KCNJ3: variants seen among roughly 807,000 people sequenced by gnomAD.
KCNJ3 encodes the protein G protein-activated inward rectifier potassium channel 1.
Under a neutral mutation model 39.2 loss-of-function variants are expected in KCNJ3, and 4 were observed. The ratio of observed to expected loss-of-function variants is 0.10; its 90% CI spans 0.05 to 0.23. The LOEUF (loss-of-function observed/expected upper bound fraction) is 0.23, where lower values mean the gene tolerates loss of function less well. Ranked by LOEUF, KCNJ3 falls within the 10% of genes least tolerant of loss-of-function variation. The pLI, the probability that KCNJ3 is intolerant of heterozygous loss-of-function variation, is 1.00. For synonymous variants in KCNJ3, 230 were observed against 237.4 expected, an observed-to-expected ratio of 0.97 and a Z score of 0.29; for missense variants, 276 against 634.9, an observed-to-expected ratio of 0.43 and a Z score of 6.08.
intron 2 of KCNJ3, among the ~76,000 whole-genome samples, chr2:154,805,273 A>G (rs1487718281): frequency 6.6e-6 from 1 of 152,154 alleles, no homozygotes; most frequent in African/African-American, 2.4e-5. Context: ...GTGCTGATGA[A>G]GTATTGCCAT....
chr2:154,803,921 A>C (rs1011427410), intron 2 of KCNJ3, among the ~76,000 whole-genome samples: 13 of 152,066 alleles, frequency 8.5e-5, no homozygotes, highest in African/African-American at 2.4e-4. Flanking sequence ...TGAAGGAAAA[A>C]ATTTAAAAGA....
intron 2 of KCNJ3, among the ~76,000 whole-genome samples, chr2:154,822,083 A>C (rs1309169477): frequency 6.6e-6 from 1 of 152,156 alleles, no homozygotes; most frequent in African/African-American, 2.4e-5. Context: ...ACACTTGCCA[A>C]ACTTAATGAT....
At chr2:154,839,138 G>A (rs747554243) in intron 2 of KCNJ3, among the ~76,000 whole-genome samples, 89 of 152,120 alleles carry the variant, frequency 5.9e-4, no homozygotes, top group African/African-American at 1.6e-3. Context: ...GATGTTCCCC[G>A]CCTTGTGTCC....
intron 2 of KCNJ3, among the ~76,000 whole-genome samples, chr2:154,815,046 G>A (rs1314280773): frequency 6.6e-6 from 1 of 152,192 alleles, no homozygotes; most frequent in East Asian, 1.9e-4. Context: ...TGTGTATACG[G>A]TATGCTGAAA....
intron 2 of KCNJ3, among the ~76,000 whole-genome samples, chr2:154,807,947 G>A (rs769573765): frequency 5.3e-5 from 8 of 151,952 alleles, no homozygotes; most frequent in Non-Finnish European, 7.4e-5. Flanking sequence ...TGGAGTTGGT[G>A]CTCTCTCTGT....
chr2:154,850,407 T>TG (rs1687738940), intron 2 of KCNJ3, among the ~76,000 whole-genome samples: 1 of 152,182 alleles, frequency 6.6e-6, no homozygotes, highest in African/African-American at 2.4e-5. Flanking sequence ...GATATCTACT[T>TG]TAAATCTTCT....
chr2:154,736,822 G>T (rs1228069960), intron 2 of KCNJ3, among the ~76,000 whole-genome samples: 1 of 152,018 alleles, frequency 6.6e-6, no homozygotes, highest in African/African-American at 2.4e-5. Context: ...TGAGAGACAA[G>T]AAACAAATGA....
intron 2 of KCNJ3, among the ~76,000 whole-genome samples, chr2:154,756,896 C>A (rs1685946685): frequency 6.6e-6 from 1 of 151,846 alleles, no homozygotes; most frequent in Admixed American, 6.6e-5. Flanking sequence ...GTAGAAAGAG[C>A]ATAAGATATA....
chr2:154,773,633 T>G (rs1686281692), intron 2 of KCNJ3, among the ~76,000 whole-genome samples: 1 of 152,156 alleles, frequency 6.6e-6, no homozygotes, highest in African/African-American at 2.4e-5. Flanking sequence ...TTATTCTGAC[T>G]TTGATATCAC....
chr2:154,820,328 A>G (rs1322774509), intron 2 of KCNJ3, among the ~76,000 whole-genome samples: 1 of 152,214 alleles, frequency 6.6e-6, no homozygotes, highest in Admixed American at 6.5e-5. Context: ...GATGTTAGTC[A>G]CTATGTATCT....
Position 154,818,918 on chromosome 2 carries a change from C to CTTTTT in KCNJ3, c.920-35781_920-35777dup, listed in dbSNP as rs57668487. Among the ~76,000 whole-genome samples the CTTTTT allele has an allele frequency of 8.3e-3, 437 of 52,428 alleles. 37 individuals are homozygous for CTTTTT. The highest frequency in any genetic ancestry group is 0.02 in the East Asian group (24 of 1,216). 34.4% of individuals were successfully genotyped at this position (52,428 alleles called of 152,430 possible). ...GAGCTTGAGCTGTAGCTGCAAAAGC[C>CTTTTT]TTTTTTTTTTTTTTTTTTTTTTTTT... On this transcript the variant is annotated intron_variant, in intron 2 of 2. Coordinates refer to ENST00000295101, the MANE Select transcript of KCNJ3 (RefSeq NM_002239.4).
At chr2:154,820,710 C>T (rs1353447996) in intron 2 of KCNJ3, among the ~76,000 whole-genome samples, 2 of 152,244 alleles carry the variant, frequency 1.3e-5, no homozygotes, top group South Asian at 4.1e-4. Context: ...GGTTTATTCA[C>T]AGTATCCATT....
At chr2:154,788,867 A>G (rs1276817744) in intron 2 of KCNJ3, among the ~76,000 whole-genome samples, 2 of 152,072 alleles carry the variant, frequency 1.3e-5, no homozygotes, top group Non-Finnish European at 2.9e-5. Flanking sequence ...GCTGCATGAA[A>G]AAAAATGAGG....
intron 2 of KCNJ3, among the ~76,000 whole-genome samples, chr2:154,744,873 G>A (rs1685713504): frequency 1.3e-5 from 2 of 151,936 alleles, no homozygotes; most frequent in South Asian, 4.2e-4. Flanking sequence ...AGTGCTATAA[G>A]TTTCCATCTC....
At chr2:154,788,769 G>GTT (rs376883606) in intron 2 of KCNJ3, among the ~76,000 whole-genome samples, 6 of 146,448 alleles carry the variant, frequency 4.1e-5, no homozygotes, top group Non-Finnish European at 3.0e-5. Context: ...GTGAGTGTGA[G>GTT]TTGTTTTTTT....
intron 2 of KCNJ3, among the ~76,000 whole-genome samples, chr2:154,771,979 T>G (rs2105196780): frequency 6.6e-6 from 1 of 152,310 alleles, no homozygotes; most frequent in African/African-American, 2.4e-5. Context: ...ATTGCTTATG[T>G]TTGTAAATAC....
chr2:154,714,354 TC>T (rs1685148451), intron 2 of KCNJ3, among the ~76,000 whole-genome samples: 1 of 152,178 alleles, frequency 6.6e-6, no homozygotes, highest in African/African-American at 2.4e-5. Flanking sequence ...CTCTCTTTTT[TC>T]TTTCTCTTTA....
intron 2 of KCNJ3, among the ~76,000 whole-genome samples, chr2:154,754,120 G>A (rs1402498361): frequency 5.3e-5 from 8 of 151,964 alleles, no homozygotes; most frequent in East Asian, 3.9e-4. Flanking sequence ...ATCTATTCCC[G>A]TTTTGTATCA....
In KCNJ3 at chr2:154,817,819, T is replaced by TAATGGACAG. The variant is rs1460771833; in HGVS notation, c.920-36908_920-36907insAATGGACAG. On this transcript the variant is annotated intron_variant, in intron 2 of 2. Transcript: ENST00000295101. ...TCATGCCATTCTCGTATTTTAACCT[T>TAATGGACAG]TGTTTTACTGTCCATTAGTTCCTGT... Among the ~76,000 whole-genome samples, 529 of 152,270 alleles carry TAATGGACAG rather than the reference T, an allele frequency of 3.5e-3. 2 individuals are homozygous for TAATGGACAG. Among genetic ancestry groups the TAATGGACAG allele is most frequent in the Middle Eastern group, 6.8e-3 (2 of 294 alleles).
Sources: gnomAD v4.1 joint callset for allele counts (sites outside exome capture counted in the v4.1 genomes callset) on GRCh38, gnomAD v4.1.1 for gene constraint, MANE v1.5 for transcripts, NCBI Gene and HGNC (gene_info 2026-07-23, HGNC 2026-07-21) for gene names.